The following SPPL3 variants were observed in gnomAD, a reference collection of about 807,000 sequenced individuals.
SPPL3 encodes signal peptide peptidase-like 3.
In SPPL3, 5 loss-of-function variants were observed where a neutral mutation model predicts 42.4. The ratio of observed to expected loss-of-function variants is 0.12; its 90% CI spans 0.06 to 0.25. SPPL3 has a LOEUF of 0.25. Ranked by LOEUF, SPPL3 falls within the 10% of genes least tolerant of loss-of-function variation. The pLI is 1.00. For synonymous variants in SPPL3, 195 were observed against 181.8 expected, an observed-to-expected ratio of 1.07 and a Z score of -0.58; for missense variants, 235 against 489.0, an observed-to-expected ratio of 0.48 and a Z score of 4.90.
At chr12:120,801,004 C>A (rs1870276044) in intron 2 of SPPL3, among the ~76,000 whole-genome samples, 1 of 152,186 alleles carries the variant, frequency 6.6e-6, no homozygotes. Flanking sequence ...AAATATTTCA[C>A]CCAAAAATAT....
chr12:120,848,816 G>C (rs1390512843), intron 1 of SPPL3, among the ~76,000 whole-genome samples: 1 of 152,024 alleles, frequency 6.6e-6, no homozygotes, highest in East Asian at 1.9e-4. Context: ...AAAATAGTAA[G>C]GACAAAAATG....
At chr12:120,832,739 A>G (rs1189263407) in intron 1 of SPPL3, among the ~76,000 whole-genome samples, 1 of 152,196 alleles carries the variant, frequency 6.6e-6, no homozygotes, top group East Asian at 1.9e-4. Context: ...ATATCCAAGG[A>G]AGAAACCCAA....
At chr12:120,887,420 G>A (rs182663085) in intron 1 of SPPL3, among the ~76,000 whole-genome samples, 3 of 152,076 alleles carry the variant, frequency 2.0e-5, no homozygotes, top group Admixed American at 2.0e-4. Flanking sequence ...GACACATCAA[G>A]GCACCCCTCA....
intron 1 of SPPL3, among the ~76,000 whole-genome samples, chr12:120,860,747 G>T (rs1872597083): frequency 6.6e-6 from 1 of 152,176 alleles, no homozygotes; most frequent in South Asian, 2.1e-4. Context: ...GCTAGAAATA[G>T]TAAGAGAAGT....
chr12:120,835,351 T>C (rs535827521), intron 1 of SPPL3: 4 of 152,266 alleles, frequency 2.6e-5, no homozygotes, highest in Admixed American at 6.5e-5. Flanking sequence ...TCTAAGCATG[T>C]AGCCCTTGCT....
At chr12:120,824,762 T>C (rs1046507446) in intron 1 of SPPL3, among the ~76,000 whole-genome samples, 3 of 152,200 alleles carry the variant, frequency 2.0e-5, no homozygotes, top group Non-Finnish European at 2.9e-5. Flanking sequence ...GGTCTTGAAC[T>C]CCTAGACTCA....
At chr12:120,817,480 C>T (rs1251341337) in intron 1 of SPPL3, among the ~76,000 whole-genome samples, 2 of 152,114 alleles carry the variant, frequency 1.3e-5, no homozygotes, top group Non-Finnish European at 2.9e-5. Flanking sequence ...CCAATATTTA[C>T]AGATTTAAAA....
chr12:120,840,611 C>G (rs933461594), intron 1 of SPPL3, among the ~76,000 whole-genome samples: 1 of 151,836 alleles, frequency 6.6e-6, no homozygotes, highest in South Asian at 2.1e-4. Flanking sequence ...GCAGGTAGAT[C>G]GATTGAGCTC....
At chr12:120,802,683 C>T (rs1206416138) in intron 2 of SPPL3, among the ~76,000 whole-genome samples, 1 of 152,008 alleles carries the variant, frequency 6.6e-6, no homozygotes, top group Admixed American at 6.6e-5. Flanking sequence ...GATCCTCCCA[C>T]CTTGGCCTCT....
In SPPL3 at chr12:120,765,065, G is replaced by A; in HGVS notation, c.1089C>T (p.Asp363=). 1.9e-6 allele frequency: 3 copies of A among 1,613,508 alleles called. No homozygotes were observed. The highest frequency in any genetic ancestry group is 2.5e-6 in the Non-Finnish European group (3 of 1,179,760). Residue 363 remains aspartate, a synonymous_variant, in exon 11 of 11, where the codon GAC becomes GAT. Transcript: ENST00000353487. The part of the protein sequence containing the change: ...PLLTMAYLKG[D]LRRMWSEPFH... ...AAGGCTCAGACCACATCCGCCGGAG[G>A]TCGCCCTGGGAAACAAGGGACTTTC...
At chr12:120,852,810 GA>G in intron 1 of SPPL3, among the ~76,000 whole-genome samples, 2 of 141,078 alleles carry the variant, frequency 1.4e-5, no homozygotes, top group East Asian at 2.0e-4. Context: ...ATACATATAT[GA>G]AATATATATT....
intron 1 of SPPL3, among the ~76,000 whole-genome samples, chr12:120,871,618 T>C (rs1367497609): frequency 1.3e-5 from 2 of 151,946 alleles, no homozygotes; most frequent in East Asian, 3.9e-4. Flanking sequence ...CTGGGTGTGG[T>C]GGTGCACGCC....
At position 120,874,637 on chromosome 12, in the gene SPPL3, A is replaced by G. The variant is rs1873028387; in HGVS notation, c.23+29208T>C. Among the ~76,000 whole-genome samples, 4 of 152,138 alleles carry G rather than the reference A, an allele frequency of 2.6e-5. No homozygotes were observed. In the South Asian group the frequency reaches 8.3e-4, roughly 32 times the overall value. On this transcript the variant is annotated intron_variant, in intron 1 of 10. Coordinates refer to ENST00000353487, the MANE Select transcript of SPPL3 (RefSeq NM_139015.5). Reference sequence around the variant, plus strand: ...AAGACTGCCTCCTTTCCCAGCCCACATGCCTTGCTTCCAATATGGCATCAA... The same window carrying G: ...AAGACTGCCTCCTTTCCCAGCCCACGTGCCTTGCTTCCAATATGGCATCAA...
chr12:120,805,798 C>CA, intron 2 of SPPL3, among the ~76,000 whole-genome samples: 1 of 152,136 alleles, frequency 6.6e-6, no homozygotes, highest in South Asian at 2.1e-4. Context: ...ATAAATTTAA[C>CA]AAAATAGTGC....
chr12:120,769,217 C>T, intron 6 of SPPL3, 158 bp from the exon 7 acceptor site: 2 of 582,096 alleles, frequency 3.4e-6, no homozygotes, highest in Non-Finnish European at 3.1e-6. Context: ...TGGTGCAAAA[C>T]ACCCGCTTCT....
intron 1 of SPPL3, among the ~76,000 whole-genome samples, chr12:120,841,552 T>C (rs1871833301): frequency 6.6e-6 from 1 of 152,184 alleles, no homozygotes; most frequent in Admixed American, 6.5e-5. Context: ...GTTATAATTA[T>C]TTTTTGTAAA....
intron 8 of SPPL3, 151 bp from the exon 9 acceptor site, chr12:120,767,744 T>C: frequency 1.2e-6 from 1 of 856,722 alleles, no homozygotes; most frequent in Non-Finnish European, 1.8e-6. Context: ...GTTTTAAGAG[T>C]GTAGAGAGAA....
chr12:120,766,183 C>T, intron 10 of SPPL3, 80 bp downstream of exon 10: 5 of 1,173,460 alleles, frequency 4.3e-6, no homozygotes, highest in African/African-American at 1.5e-5. Flanking sequence ...AGCAGAATCA[C>T]CTCCAGCGAG....
chr12:120,884,144 TA>T (rs1873376526), intron 1 of SPPL3, among the ~76,000 whole-genome samples: 1 of 149,318 alleles, frequency 6.7e-6, no homozygotes. Flanking sequence ...CTAGTTTTTT[TA>T]AAAAGCAAAG....
Sources: gnomAD v4.1 joint callset for allele counts (sites outside exome capture counted in the v4.1 genomes callset) on GRCh38, gnomAD v4.1.1 for gene constraint, MANE v1.5 for transcripts, NCBI Gene and HGNC (gene_info 2026-07-23, HGNC 2026-07-21) for gene names.